SLC25A24: variants seen among roughly 807,000 people sequenced by gnomAD.
The protein encoded by SLC25A24 is solute carrier family 25 member 24.
SLC25A24 carries 49 observed loss-of-function variants against 60.7 expected under a neutral mutation model. That is an observed-to-expected ratio of 0.81 (90% CI 0.64 to 1.02). SLC25A24 has a LOEUF of 1.02. Ranked by LOEUF, SLC25A24 falls within the 50% of genes least tolerant of loss-of-function variation. SLC25A24 has a pLI of 0.00. For missense variants in SLC25A24, 564 were observed against 586.3 expected (o/e 0.96, Z 0.39); for synonymous variants, 202 against 200.6 (o/e 1.01, Z -0.06).
rs1470837517 is a variant in SLC25A24 at position 108,181,985 on chromosome 1, C to T, written c.354G>A (p.Leu118=). The change falls in exon 3 of 10, where the codon CTG becomes CTA. Residue 118 remains leucine, a synonymous_variant. Coordinates refer to ENST00000565488, the MANE Select transcript of SLC25A24 (RefSeq NM_013386.5). ...ASEIVQSLQT[L]GLTISEQQAE... Reference sequence around the variant, plus strand: ...CTTGTTGTTCAGAAATAGTCAGACCCAGTGTCTGGAGAGACTGGACAATTT... The same window carrying T: ...CTTGTTGTTCAGAAATAGTCAGACCTAGTGTCTGGAGAGACTGGACAATTT... 2 of 1,613,056 alleles carry T rather than the reference C, an allele frequency of 1.2e-6. No individual in the cohort carries two copies. Among genetic ancestry groups the T allele is most frequent in the Non-Finnish European group, 1.7e-6 (2 of 1,179,436 alleles).
intron 3 of SLC25A24, among the ~76,000 whole-genome samples, chr1:108,174,135 G>A (rs1647580887): frequency 6.6e-6 from 1 of 152,210 alleles, no homozygotes; most frequent in Non-Finnish European, 1.5e-5. Flanking sequence ...AAGACAATGG[G>A]GAAAATGCCT....
At chr1:108,195,268 TA>T (rs1648460242) in intron 1 of SLC25A24, among the ~76,000 whole-genome samples, 1 of 152,126 alleles carries the variant, frequency 6.6e-6, no homozygotes, top group African/African-American at 2.4e-5. Flanking sequence ...GGCAATCATA[TA>T]CCAGGCAGAG....
intron 2 of SLC25A24, among the ~76,000 whole-genome samples, chr1:108,182,463 C>T (rs1311899449): frequency 1.3e-5 from 2 of 152,134 alleles, no homozygotes; most frequent in Non-Finnish European, 2.9e-5. Flanking sequence ...CTATGCAAAA[C>T]ATCATATATG....
At chr1:108,158,087 T>C (rs1399769057) in intron 4 of SLC25A24, among the ~76,000 whole-genome samples, 1 of 152,198 alleles carries the variant, frequency 6.6e-6, no homozygotes, top group Non-Finnish European at 1.5e-5. Context: ...CCATGATATG[T>C]TTTAAATATG....
intron 3 of SLC25A24, among the ~76,000 whole-genome samples, chr1:108,169,911 T>G (rs988243729): frequency 1.1e-4 from 17 of 152,194 alleles, no homozygotes; most frequent in African/African-American, 3.4e-4. Context: ...TGAACATGAT[T>G]TATTTACATC....
rs1680009754 is a variant in SLC25A24 at position 108,159,879 on chromosome 1, A to G, written c.510+1303T>C. ...CATGTCTACCTCTTTCTACACAGAC[A>G]CAGCAACCATCCGATTTCTCAATCT... On this transcript the variant is annotated intron_variant, in intron 4 of 9. Coordinates refer to ENST00000565488, the MANE Select transcript of SLC25A24 (RefSeq NM_013386.5). Among the ~76,000 whole-genome samples the G allele has an allele frequency of 4.0e-5, 6 of 151,438 alleles. No individual in the cohort carries two copies. The South Asian group carries it at 1.3e-3, about 32-fold the overall frequency.
chr1:108,192,848 G>T, intron 1 of SLC25A24: 1 of 1,051,862 alleles, frequency 9.5e-7, no homozygotes, highest in Non-Finnish European at 1.2e-6. Context: ...GCAGGACCCG[G>T]GACCTGCGTG....
chr1:108,185,659 A>G (rs1648098161), intron 2 of SLC25A24, among the ~76,000 whole-genome samples, 169 bp downstream of exon 2: 1 of 152,134 alleles, frequency 6.6e-6, no homozygotes, highest in Non-Finnish European at 1.5e-5. Flanking sequence ...AGTTTTCTTC[A>G]CTAAATAATA....
intron 3 of SLC25A24, among the ~76,000 whole-genome samples, chr1:108,180,453 A>G (rs1260366521): frequency 3.9e-5 from 6 of 152,112 alleles, no homozygotes; most frequent in Non-Finnish European, 8.8e-5. Flanking sequence ...ATCCTTTGCT[A>G]TGGACTGAGC....
chr1:108,161,107 C>G (rs535105443), intron 4 of SLC25A24, 75 bp downstream of exon 4: 2 of 777,924 alleles, frequency 2.6e-6, no homozygotes, highest in African/African-American at 3.5e-5. Flanking sequence ...ATAAGTGTTA[C>G]AGAGTGTTCT....
At chr1:108,168,374 A>G (rs1647295868) in intron 3 of SLC25A24, among the ~76,000 whole-genome samples, 1 of 151,688 alleles carries the variant, frequency 6.6e-6, no homozygotes, top group South Asian at 2.1e-4. Context: ...CCACCACCCA[A>G]CTCCCCACAC....
rs745362779 is a variant in SLC25A24 at position 108,200,074 on chromosome 1, G to T, written c.65C>A (p.Thr22Lys). ...TAACQDAEQP[T>K]RYETLFQALD... ...TGCCTGGAAGAGGGTCTCGTAGCGC[G>T]TCGGCTGCTCCGCGTCCTGGCAGGC... The change falls in exon 1 of 10, where the codon ACG becomes AAG. Residue 22 changes from threonine to lysine, a missense_variant. By Grantham distance (78) the Thr-to-Lys change is moderately conservative. Transcript: ENST00000565488. The T allele has an allele frequency of 1.3e-5, 20 of 1,590,150 alleles. No homozygotes were observed. The Admixed American group carries it at 2.8e-4, about 23-fold the overall frequency.
At chr1:108,198,110 G>A (rs961972714) in intron 1 of SLC25A24, among the ~76,000 whole-genome samples, 2 of 152,116 alleles carry the variant, frequency 1.3e-5, no homozygotes, top group Non-Finnish European at 2.9e-5. Context: ...CCCTCCCCAG[G>A]AGTCCAGCAG....
rs12404810 is a variant in SLC25A24, at chr1:108,136,385, G to A, written c.*268C>T. On this transcript the variant is annotated 3_prime_UTR_variant, in exon 10 of 10. Transcript: ENST00000565488. ...TCAAGCCAGTACATTTTCAGATTTCGGATTCAGGGCAGAGATTTGCAGGAT... is the reference window on the plus strand; with the variant it reads ...TCAAGCCAGTACATTTTCAGATTTCAGATTCAGGGCAGAGATTTGCAGGAT... 1,853 of 275,624 alleles carry A rather than the reference G, an allele frequency of 6.7e-3. 103 individuals carry two copies. The Admixed American group carries it at 0.084, about 12-fold the overall frequency. The allele number at this position is 275,624 out of a possible 1,614,324, so 17.1% of individuals were successfully genotyped here.
intron 1 of SLC25A24, among the ~76,000 whole-genome samples, chr1:108,186,160 T>C (rs1285302688): frequency 6.6e-6 from 1 of 152,212 alleles, no homozygotes; most frequent in East Asian, 1.9e-4. Flanking sequence ...GTGTTAAATT[T>C]TCAATCAGAA....
intron 3 of SLC25A24, among the ~76,000 whole-genome samples, chr1:108,174,841 C>T (rs915758425): frequency 4.6e-5 from 7 of 152,186 alleles, no homozygotes; most frequent in East Asian, 1.9e-4. Flanking sequence ...CACTAGATTT[C>T]GGACTTACTT....
rs752080565 is a variant in SLC25A24, at chr1:108,181,954, A to G, written c.385T>C (p.Leu129=). The change falls in exon 3 of 10, where the codon TTG becomes CTG. Residue 129 remains leucine (L), a synonymous_variant. Coordinates refer to ENST00000565488, the MANE Select transcript of SLC25A24 (RefSeq NM_013386.5). ...TGAAGAGCTTACCTTTGAAGAATCA[A>G]CTCTGCTTGTTGTTCAGAAATAGTC... ...GLTISEQQAE[L]ILQSIDVDGT... is the part of the protein sequence containing the mutation. 3.7e-6 allele frequency: 6 copies of G among 1,609,644 alleles called. No individual in the cohort carries two copies. The African/African-American group carries it at 5.3e-5, about 14-fold the overall frequency.
chr1:108,156,029 T>A (rs1054529970), intron 5 of SLC25A24, among the ~76,000 whole-genome samples: 1 of 151,990 alleles, frequency 6.6e-6, no homozygotes, highest in African/African-American at 2.4e-5. Context: ...GTGGCCAGTA[T>A]GAAAACGGGC....
chr1:108,153,258 T>A (rs1342024474), intron 6 of SLC25A24, among the ~76,000 whole-genome samples: 1 of 152,142 alleles, frequency 6.6e-6, no homozygotes, highest in Non-Finnish European at 1.5e-5. Context: ...ATACTGATGA[T>A]GTGTTTGACA....
Sources: allele counts gnomAD v4.1 joint callset (sites outside exome capture counted in the v4.1 genomes callset), GRCh38; gene constraint gnomAD v4.1.1; transcripts MANE v1.5; gene names NCBI Gene and HGNC (gene_info 2026-07-23, HGNC 2026-07-21).